BOP1: variants seen among roughly 807,000 people sequenced by gnomAD.
BOP1 encodes ribosome biogenesis protein BOP1.
Under a neutral mutation model 82.9 loss-of-function variants are expected in BOP1, and 54 were observed. The ratio of observed to expected loss-of-function variants is 0.65; its 90% CI spans 0.52 to 0.82. The LOEUF (loss-of-function observed/expected upper bound fraction) is 0.82. Among genes scored for constraint, BOP1 ranks in the 40% least tolerant of loss-of-function variants. BOP1 has a pLI of 0.00. For missense variants in BOP1, 1,170 were observed against 1,072.0 expected (o/e 1.09, Z -1.28); for synonymous variants, 566 against 451.1 (o/e 1.25, Z -3.23).
Position 144,264,211 on chromosome 8 carries a change from G to A in BOP1, c.978+14C>T, listed in dbSNP as rs1845304400. On this transcript the variant is annotated intron_variant, in intron 7 of 15. Coordinates refer to ENST00000569669, the MANE Select transcript of BOP1 (RefSeq NM_015201.5). The stretch of plus-strand genomic sequence containing the variant: ...CATGGGGACAGGGTCCCGGCCCCCA[G>A]GATGCAGGCCCACCTCCTCCTCGCT... 4.4e-6 allele frequency: 7 copies of A among 1,607,362 alleles called. No individual in the cohort carries two copies. Among genetic ancestry groups the A allele is most frequent in the Non-Finnish European group, 5.9e-6 (7 of 1,177,900 alleles).
At chr8:144,273,135 G>T (rs1588597124) in intron 3 of BOP1, among the ~76,000 whole-genome samples, 1 of 152,168 alleles carries the variant, frequency 6.6e-6, no homozygotes, top group Admixed American at 6.5e-5. Flanking sequence ...CAGCAGCGAC[G>T]CAAGCCTGAG....
Position 144,262,969 on chromosome 8 carries a change from A to G in BOP1, c.1778T>C (p.Phe593Ser). 6.5e-7 allele frequency: 1 copy of G among 1,550,112 alleles called. No individual in the cohort carries two copies. Among genetic ancestry groups the G allele is most frequent in the African/African-American group, 1.4e-5 (1 of 73,890 alleles). The change falls in exon 13 of 16, where the codon TTC becomes TCC. Residue 593 changes from phenylalanine to serine, a missense_variant. By Grantham distance (155) the Phe-to-Ser change is radical. Transcript: ENST00000569669. ...QRVAFHPARPFLLVASQRSVR... is the reference protein window; with the variant it reads ...QRVAFHPARPSLLVASQRSVR... ...GCTGCGCTGGGACGCCACCAACAGGAAGGGCCGGGCAGGGTGGAAGGCCAC... is the reference window on the plus strand; with the variant it reads ...GCTGCGCTGGGACGCCACCAACAGGGAGGGCCGGGCAGGGTGGAAGGCCAC...
At chr8:144,277,953 G>A (rs1026222547) in intron 2 of BOP1, among the ~76,000 whole-genome samples, 22 of 152,184 alleles carry the variant, frequency 1.4e-4, no homozygotes, top group Admixed American at 2.6e-4. Flanking sequence ...AAACCCTAAC[G>A]ACACAGACAA....
intron 3 of BOP1, among the ~76,000 whole-genome samples, chr8:144,271,763 G>A (rs979478063): frequency 1.3e-5 from 2 of 152,116 alleles, no homozygotes; most frequent in African/African-American, 4.8e-5. Context: ...CCCAGCCCAA[G>A]GTGGGGCCCC....
At position 144,265,090 on chromosome 8, in the gene BOP1, A is replaced by G; in HGVS notation, c.391-19T>C. ...GGATGTCCTGCAGCCGGGGGCCACC[A>G]TGTCGGCATCTGATCCTACAAGGCC... is the stretch of plus-strand genomic sequence containing the variant. On this transcript the variant is annotated intron_variant, in intron 3 of 15. Transcript: ENST00000569669. The G allele has an allele frequency of 6.2e-7, 1 of 1,601,740 alleles. No individual in the cohort carries two copies. The highest frequency in any genetic ancestry group is 8.5e-7 in the Non-Finnish European group (1 of 1,174,036).
In BOP1 at chr8:144,263,558, C is replaced by T; in HGVS notation, c.1344G>A (p.Val448=). The change falls in exon 11 of 16, where the codon GTG becomes GTA. Residue 448 remains valine (V), a synonymous_variant. Transcript: ENST00000569669. ...CCACGCCCCCCACGGGAACAGTCCT[C>T]ACACAGCGGGCAGTGGCCACCTCCC... The part of the protein sequence containing the change: ...RLWEVATARC[V]RTVPVGGVVK... The T allele has an allele frequency of 6.2e-7, 1 of 1,602,012 alleles. No homozygotes were observed. Among genetic ancestry groups the T allele is most frequent in the Non-Finnish European group, 8.5e-7 (1 of 1,179,742 alleles).
In BOP1 at chr8:144,277,875, T is replaced by C. The variant is rs587747260; in HGVS notation, c.310-1571A>G. On this transcript the variant is annotated intron_variant, in intron 2 of 15. Transcript: ENST00000569669. ...TGACCTAGAAGGCCCCTTCAGATTTTGGAGGCAGATGCTGTGGGGCATTGA... is the reference window on the plus strand; with the variant it reads ...TGACCTAGAAGGCCCCTTCAGATTTCGGAGGCAGATGCTGTGGGGCATTGA... 6.1e-5 allele frequency among the ~76,000 whole-genome samples: 5 copies of C among 82,162 alleles called. No individual in the cohort carries two copies. In the South Asian group the frequency reaches 2.0e-3, roughly 33 times the overall value. 53.9% of individuals were successfully genotyped at this position (82,162 alleles called of 152,430 possible).
chr8:144,267,386 G>C (rs1197258866), intron 3 of BOP1, among the ~76,000 whole-genome samples: 1 of 152,160 alleles, frequency 6.6e-6, no homozygotes, highest in Non-Finnish European at 1.5e-5. Context: ...TCCCAGTGGA[G>C]TGTGGAGTCC....
intron 10 of BOP1, 23 bp downstream of exon 10, chr8:144,263,669 G>C (rs1845289500): frequency 2.5e-6 from 4 of 1,593,230 alleles, no homozygotes; most frequent in Admixed American, 3.5e-5. Context: ...CCCAGCTCAA[G>C]GCTGCCCCCA....
intron 2 of BOP1, among the ~76,000 whole-genome samples, chr8:144,286,448 G>A (rs1201599277): frequency 5.4e-4 from 67 of 123,204 alleles, no homozygotes; most frequent in Non-Finnish European, 8.7e-4. Flanking sequence ...CAGGACACGC[G>A]GGCAGGTGCA....
At position 144,291,296 on chromosome 8, in the gene BOP1, T is replaced by A; in HGVS notation, c.75A>T (p.Glu25Asp). 6.9e-7 allele frequency: 1 copy of A among 1,457,314 alleles called. No individual in the cohort carries two copies. 90.3% of individuals were successfully genotyped at this position (1,457,314 alleles called of 1,614,324 possible). A position where few individuals can be genotyped will look rare whatever the true frequency, so the allele number is the denominator to read the frequency against. ...VRPEKRRSEPELEPEPEPEPP... is the reference protein window; with the variant it reads ...VRPEKRRSEPDLEPEPEPEPP... ...CCTCCGGCTCGGGCTCAGGCTCCAGTTCGGGCTCAGACCGCCGCTTCTCCG... is the reference window on the plus strand; with the variant it reads ...CCTCCGGCTCGGGCTCAGGCTCCAGATCGGGCTCAGACCGCCGCTTCTCCG... Residue 25 changes from glutamate (E) to aspartate (D), a missense_variant, in exon 1 of 16, where the codon GAA (glutamate) becomes GAT (aspartate). Coordinates refer to ENST00000569669, the MANE Select transcript of BOP1 (RefSeq NM_015201.5). This position sits in a 1 kb window ranked among gnomAD's most constrained non-coding sequence, Gnocchi z 4.1.
intron 2 of BOP1, among the ~76,000 whole-genome samples, chr8:144,286,043 G>T (rs2130265044): frequency 6.6e-6 from 1 of 152,362 alleles, no homozygotes; most frequent in Middle Eastern, 3.4e-3. Context: ...CCACCTGCAG[G>T]GCTGCACAAT....
rs1487242100 is a variant in BOP1, at chr8:144,266,458, G to A, written c.391-1387C>T. 1,164 of 971,092 alleles carry A rather than the reference G, an allele frequency of 1.2e-3. 1 individual carries two copies. The highest frequency in any genetic ancestry group is 1.4e-3 in the Non-Finnish European group (1,106 of 817,128). 60.2% of individuals were successfully genotyped at this position (971,092 alleles called of 1,614,324 possible). On this transcript the variant is annotated intron_variant, in intron 3 of 15. Transcript: ENST00000569669. Reference sequence around the variant, plus strand: ...GCAGCTCGGGGCCCCGCTCCGGCCCGGGACGCACATGTGCGCGCGACGCCC... The same window carrying A: ...GCAGCTCGGGGCCCCGCTCCGGCCCAGGACGCACATGTGCGCGCGACGCCC...
At chr8:144,280,956 T>TTCTCTCACTTTCATACCAGGTCTTC (rs1845660360) in intron 2 of BOP1, among the ~76,000 whole-genome samples, 5 of 67,518 alleles carry the variant, frequency 7.4e-5, no homozygotes, top group African/African-American at 2.4e-4. Flanking sequence ...ACCAGGTCTT[T>TTCTCTCACTTTCATACCAGGTCTTC]GGCCTTCTCT....
In BOP1 at chr8:144,263,491, C is replaced by T; in HGVS notation, c.1411G>A (p.Val471Met). The T allele has an allele frequency of 1.9e-6, 3 of 1,598,538 alleles. No homozygotes were observed. The highest frequency in any genetic ancestry group is 1.7e-6 in the Non-Finnish European group (2 of 1,179,682). Reference sequence around the variant, plus strand: ...GCCTCCACTTACACGGCTGCAGCCACCAGGCAGACAGCGGGGCTGGGGTTC... The same window carrying T: ...GCCTCCACTTACACGGCTGCAGCCATCAGGCAGACAGCGGGGCTGGGGTTC... ...AWNPSPAVCL[V>M]AAAVEDSVLL... is the part of the protein sequence containing the mutation. The change falls in exon 11 of 16, where the codon GTG becomes ATG. Residue 471 changes from valine to methionine, a missense_variant. Coordinates refer to ENST00000569669, the MANE Select transcript of BOP1 (RefSeq NM_015201.5).
chr8:144,266,816 G>A, intron 3 of BOP1: 1 of 1,197,898 alleles, frequency 8.3e-7, no homozygotes. Context: ...GGGCCAGGGG[G>A]CCGGCCAGGC....
intron 3 of BOP1, chr8:144,265,409 C>T: frequency 2.3e-6 from 1 of 441,056 alleles, no homozygotes. Flanking sequence ...CCACGGGCTC[C>T]CTCCCCTGGC....
rs890282122 is a variant in BOP1 at position 144,272,461 on chromosome 8, G to A, written c.390+3763C>T. Among the ~76,000 whole-genome samples the A allele has an allele frequency of 7.2e-5, 11 of 152,220 alleles. No individual in the cohort carries two copies. The South Asian group carries it at 1.7e-3, about 23-fold the overall frequency. ...CCCAGAGGGCCCAGAGCCTGCAGCC[G>A]TCACCACCTGCCCAACAGACCTTGC... On this transcript the variant is annotated intron_variant, in intron 3 of 15. Transcript: ENST00000569669.
intron 3 of BOP1, chr8:144,266,985 C>T: frequency 1.9e-6 from 3 of 1,551,538 alleles, no homozygotes; most frequent in Non-Finnish European, 2.6e-6. Flanking sequence ...CCAGCTACAT[C>T]TCGCACCTGG....
Sources: gnomAD v4.1 joint callset for allele counts (sites outside exome capture counted in the v4.1 genomes callset) on GRCh38, gnomAD v4.1.1 for gene constraint, Gnocchi (gnomAD v3.1) non-coding constraint, MANE v1.5 for transcripts, NCBI Gene and HGNC (gene_info 2026-07-23, HGNC 2026-07-21) for gene names.